Variants in MLIP observed in about 807,000 individuals in gnomAD.
MLIP encodes muscular LMNA-interacting protein.
MLIP carries 79 observed loss-of-function variants against 84.8 expected under a neutral mutation model. The ratio of observed to expected loss-of-function variants is 0.93; its 90% CI spans 0.78 to 1.12. The LOEUF (loss-of-function observed/expected upper bound fraction) is 1.12, where lower values mean the gene tolerates loss of function less well. Among genes scored for constraint, MLIP ranks in the 50% most tolerant of loss-of-function variants. The pLI is 0.00. For missense variants in MLIP, 1,257 were observed against 1,160.6 expected, an observed-to-expected ratio of 1.08 and a Z score of -1.21; for synonymous variants, 504 against 463.0, an observed-to-expected ratio of 1.09 and a Z score of -1.14.
chr6:54,128,252 A>G (rs1771090522), intron 3 of MLIP, among the ~76,000 whole-genome samples: 1 of 152,162 alleles, frequency 6.6e-6, no homozygotes, highest in African/African-American at 2.4e-5. Context: ...AGTTGGAAGT[A>G]TGAATCCTGG....
At chr6:54,205,670 A>G (rs1778985990) in intron 11 of MLIP, among the ~76,000 whole-genome samples, 1 of 152,214 alleles carries the variant, frequency 6.6e-6, no homozygotes, top group African/African-American at 2.4e-5. Flanking sequence ...CTAACAGCCA[A>G]GTTTGAAACC....
At position 54,136,961 on chromosome 6, in the gene MLIP, C is replaced by T. The variant is rs1215549296; in HGVS notation, c.892C>T (p.Leu298=). Residue 298 remains leucine, a synonymous_variant, in exon 4 of 14, where the codon CTG becomes TTG. Coordinates refer to ENST00000502396, the MANE Select transcript of MLIP (RefSeq NM_001281747.2). ...SASKGTSSTL[L]FPHSTQLSGS... The stretch of plus-strand genomic sequence containing the variant: ...ATCGAAGGGCACCTCCTCGACGTTA[C>T]TGTTTCCCCATTCCACTCAACTATC... 3 of 1,536,072 alleles carry T rather than the reference C, an allele frequency of 2.0e-6. No individual in the cohort carries two copies. In the Admixed American group the frequency reaches 5.9e-5, roughly 30 times the overall value.
chr6:54,261,224 C>T (rs1488719948), intron 13 of MLIP, among the ~76,000 whole-genome samples: 1 of 152,070 alleles, frequency 6.6e-6, no homozygotes, highest in Admixed American at 6.6e-5. Context: ...TCCACAACCA[C>T]TCCATAAACT....
upstream of MLIP, among the ~76,000 whole-genome samples, chr6:54,110,709 A>G (rs191457013): frequency 2.0e-3 from 305 of 152,346 alleles, no homozygotes; most frequent in Non-Finnish European, 3.4e-3. Flanking sequence ...ACAAATGTAG[A>G]TATTACAGAT....
intron 11 of MLIP, chr6:54,216,723 T>C: frequency 1.0e-6 from 1 of 985,460 alleles, no homozygotes. Context: ...GCTTTAAATA[T>C]GTCTGTTTGA....
At chr6:54,110,143 C>T (rs983213751), upstream of MLIP, among the ~76,000 whole-genome samples, 3 of 151,632 alleles carry the variant, frequency 2.0e-5, no homozygotes, top group Non-Finnish European at 1.5e-5. Flanking sequence ...CCACAACGCC[C>T]GGCTAATTTT....
rs529538278 is a variant in MLIP at position 54,039,778 on chromosome 6, A to T, written c.63+20687A>T. ...GTAACATATAAAGCAAGCATCATCT[A>T]TGTTGATTTCTTTGCATGTTTTCTG... On this transcript the variant is annotated intron_variant, in intron 1 of 12. Transcript: ENST00000274897. Among the ~76,000 whole-genome samples, 4 of 152,086 alleles carry T rather than the reference A, an allele frequency of 2.6e-5. No individual in the cohort carries two copies. In the East Asian group the frequency reaches 7.7e-4, roughly 29 times the overall value.
At position 54,255,228 on chromosome 6, in the gene MLIP, T is replaced by C. The variant is rs543574692; in HGVS notation, c.2923-2080T>C. On this transcript the variant is annotated intron_variant, in intron 12 of 13. Coordinates refer to ENST00000502396, the MANE Select transcript of MLIP (RefSeq NM_001281747.2). ...ATACTTGCTTTGAGAGCACAGTCTC[T>C]GCATACTCTCAGTCTAGATTCCAGC... Among the ~76,000 whole-genome samples, 7 of 152,288 alleles carry C rather than the reference T, an allele frequency of 4.6e-5. No homozygotes were observed. The South Asian group carries it at 1.4e-3, about 32-fold the overall frequency.
At chr6:54,165,852 G>A (rs75943463) in intron 8 of MLIP, among the ~76,000 whole-genome samples, 1 of 152,012 alleles carries the variant, frequency 6.6e-6, no homozygotes, top group East Asian at 1.9e-4. Flanking sequence ...AAATGATTGG[G>A]TTGTGAGGAT....
At chr6:54,246,444 A>G (rs898658674) in intron 12 of MLIP, among the ~76,000 whole-genome samples, 3 of 152,082 alleles carry the variant, frequency 2.0e-5, no homozygotes, top group African/African-American at 7.2e-5. Flanking sequence ...TAATAAAATT[A>G]CTATTTTTAG....
intron 9 of MLIP, among the ~76,000 whole-genome samples, chr6:54,189,234 A>T (rs1376883712): frequency 6.6e-6 from 1 of 152,224 alleles, no homozygotes; most frequent in African/African-American, 2.4e-5. Flanking sequence ...ACTTACAAAC[A>T]TGTTCAAATT....
intron 8 of MLIP, among the ~76,000 whole-genome samples, chr6:54,162,693 A>G (rs935154952): frequency 6.6e-6 from 1 of 151,984 alleles, no homozygotes; most frequent in African/African-American, 2.4e-5. Context: ...AGGATAGACA[A>G]CAGTGAAGGA....
chr6:54,174,499 A>G (rs560026421), intron 9 of MLIP, among the ~76,000 whole-genome samples: 9 of 151,984 alleles, frequency 5.9e-5, no homozygotes, highest in Non-Finnish European at 1.2e-4. Flanking sequence ...CTGATGATCA[A>G]TGATGTTGAG....
intron 5 of MLIP, among the ~76,000 whole-genome samples, chr6:54,151,292 A>G (rs1232968497): frequency 6.6e-6 from 1 of 152,146 alleles, no homozygotes. Context: ...TAAAGGTTTT[A>G]TGAGTTACCT....
intron 10 of MLIP, among the ~76,000 whole-genome samples, chr6:54,194,744 G>A (rs926903628): frequency 1.3e-5 from 2 of 151,278 alleles, no homozygotes; most frequent in African/African-American, 2.4e-5. Context: ...CTTGGAGTTA[G>A]TATGGCAGGA....
chr6:54,057,563 C>T (rs1765732514), intron 1 of MLIP, among the ~76,000 whole-genome samples: 1 of 152,152 alleles, frequency 6.6e-6, no homozygotes. Flanking sequence ...AGAATATAGA[C>T]CTTCTCAAAC....
At position 54,064,545 on chromosome 6, in the gene MLIP, G is replaced by C. The variant is rs1405455209; in HGVS notation, c.63+45454G>C. On this transcript the variant is annotated intron_variant, in intron 1 of 12. Coordinates refer to the MLIP transcript ENST00000274897. ...CCGCACCCCTGCCGTGGGAATCAAGGTCAGCTTGCAGCCCTGGTATTCTTA... is the reference window on the plus strand; with the variant it reads ...CCGCACCCCTGCCGTGGGAATCAAGCTCAGCTTGCAGCCCTGGTATTCTTA... Among the ~76,000 whole-genome samples, 2 of 99,682 alleles carry C rather than the reference G, an allele frequency of 2.0e-5. 1 individual carries two copies. Among genetic ancestry groups the C allele is most frequent in the Non-Finnish European group, 5.8e-5 (2 of 34,706 alleles). The allele number at this position is 99,682 out of a possible 152,430, so 65.4% of individuals were successfully genotyped here.
At chr6:54,208,348 G>A (rs542463233) in intron 11 of MLIP, among the ~76,000 whole-genome samples, 2 of 152,300 alleles carry the variant, frequency 1.3e-5, no homozygotes, top group African/African-American at 4.8e-5. Context: ...CTCTTTGGGA[G>A]GCTGAGGTAG....
chr6:54,149,151 G>T, intron 5 of MLIP, 24 bp downstream of exon 5: 1 of 1,582,998 alleles, frequency 6.3e-7, no homozygotes. Flanking sequence ...CAAAAACAGT[G>T]AATTTTACAT....
Sources: allele counts gnomAD v4.1 joint callset (sites outside exome capture counted in the v4.1 genomes callset), GRCh38; gene constraint gnomAD v4.1.1; transcripts MANE v1.5; gene names NCBI Gene and HGNC (gene_info 2026-07-23, HGNC 2026-07-21).